Variants in ZNF831 observed in about 807,000 individuals in gnomAD.
ZNF831 encodes the protein chromosome 20 open reading frame 174.
In ZNF831, 59 loss-of-function variants were observed where a neutral mutation model predicts 95.8. The ratio of observed to expected loss-of-function variants is 0.62; its 90% CI spans 0.50 to 0.77. ZNF831 has a LOEUF of 0.77. Among genes scored for constraint, ZNF831 ranks in the 30% least tolerant of loss-of-function variants. The probability of loss-of-function intolerance (pLI) is 0.00; values close to 1 mark genes in which losing one functional copy is unlikely to be tolerated. For synonymous variants in ZNF831, 961 were observed against 925.5 expected, an observed-to-expected ratio of 1.04 and a Z score of -0.70; for missense variants, 2,205 against 2,164.0, an observed-to-expected ratio of 1.02 and a Z score of -0.38.
Position 59,194,450 on chromosome 20 carries a change from C to T in ZNF831, c.3431C>T (p.Pro1144Leu), listed in dbSNP as rs2146599682. 1 of 1,613,082 alleles carries T rather than the reference C, an allele frequency of 6.2e-7. No homozygotes were observed. Among genetic ancestry groups the T allele is most frequent in the Non-Finnish European group, 8.5e-7 (1 of 1,179,790 alleles). The change falls in exon 2 of 6, where the codon CCC (proline) becomes CTC (leucine). Residue 1144 changes from proline (P) to leucine (L), a missense_variant. Physicochemically the swap from Pro to Leu is moderately conservative, Grantham distance 98. Transcript: ENST00000371030. ...LTALTRPQGV[P>L]PGWPELALSS... is the part of the protein sequence containing the mutation. ...GCCCTCACTCGGCCTCAGGGTGTGCCCCCAGGCTGGCCAGAGCTGGCCTTG... is the reference window on the plus strand; with the variant it reads ...GCCCTCACTCGGCCTCAGGGTGTGCTCCCAGGCTGGCCAGAGCTGGCCTTG...
At chr20:59,252,849 C>G (rs1449022787) in intron 4 of ZNF831, 129 bp from the exon 5 acceptor site, 2 of 929,508 alleles carry the variant, frequency 2.2e-6, no homozygotes, top group Admixed American at 3.0e-5. Flanking sequence ...TGAGTTCTTG[C>G]ACACACCCTG....
intron 1 of ZNF831, among the ~76,000 whole-genome samples, chr20:59,129,522 C>G (rs930730487): frequency 6.6e-6 from 1 of 152,120 alleles, no homozygotes; most frequent in Non-Finnish European, 1.5e-5. Flanking sequence ...ACTCAGGAGG[C>G]TGAGGCAGGA....
intron 1 of ZNF831, among the ~76,000 whole-genome samples, chr20:59,182,040 G>A (rs1982660724): frequency 6.6e-6 from 1 of 152,122 alleles, no homozygotes; most frequent in Non-Finnish European, 1.5e-5. Flanking sequence ...TTTCTTCACT[G>A]GAAGGAATAT....
At chr20:59,202,412 T>C (rs1984602275) in intron 3 of ZNF831, among the ~76,000 whole-genome samples, 1 of 151,844 alleles carries the variant, frequency 6.6e-6, no homozygotes, top group African/African-American at 2.4e-5. Context: ...TCTGACTCTG[T>C]TTTATATATT....
intron 2 of ZNF831, among the ~76,000 whole-genome samples, chr20:59,156,044 C>T (rs149357088): frequency 1.2e-4 from 19 of 152,192 alleles, no homozygotes; most frequent in African/African-American, 3.1e-4. Flanking sequence ...AAATTCCCAG[C>T]GCTTAGAAGC....
At chr20:59,137,778 G>A (rs1469459701) in intron 1 of ZNF831, among the ~76,000 whole-genome samples, 1 of 152,114 alleles carries the variant, frequency 6.6e-6, no homozygotes, top group East Asian at 1.9e-4. Flanking sequence ...GTGTTCCCTG[G>A]GGCACAGCTG....
chr20:59,155,936 C>T (rs1980514288), intron 2 of ZNF831, among the ~76,000 whole-genome samples: 3 of 151,986 alleles, frequency 2.0e-5, no homozygotes, highest in Admixed American at 2.0e-4. Flanking sequence ...TGTGTGCTCC[C>T]CCTCATGCTC....
intron 1 of ZNF831, among the ~76,000 whole-genome samples, chr20:59,130,139 G>C (rs891573134): frequency 1.3e-5 from 2 of 152,170 alleles, no homozygotes; most frequent in Non-Finnish European, 2.9e-5. Flanking sequence ...GAGCTAGGAA[G>C]GGCCTGGCAC....
At chr20:59,205,064 G>A (rs544607091) in intron 3 of ZNF831, among the ~76,000 whole-genome samples, 140 of 152,180 alleles carry the variant, frequency 9.2e-4, no homozygotes, top group African/African-American at 2.6e-3. Flanking sequence ...GTTATTTTGC[G>A]TGAGGAGAAA....
chr20:59,126,852 T>C (rs1308243105), intron 1 of ZNF831, among the ~76,000 whole-genome samples: 2 of 152,168 alleles, frequency 1.3e-5, no homozygotes, highest in African/African-American at 4.8e-5. Flanking sequence ...CTTTGTGGCT[T>C]CTCCTCTTCT....
intron 2 of ZNF831, among the ~76,000 whole-genome samples, chr20:59,153,654 G>T (rs1353387433): frequency 6.7e-6 from 1 of 149,182 alleles, no homozygotes. Flanking sequence ...ACCCCATCAA[G>T]CTGAACTCCA....
At chr20:59,183,393 G>C (rs1568744454) in intron 1 of ZNF831, among the ~76,000 whole-genome samples, 1 of 152,214 alleles carries the variant, frequency 6.6e-6, no homozygotes, top group Admixed American at 6.5e-5. Flanking sequence ...CTGTAAGTTA[G>C]GCAGGTGCTT....
chr20:59,149,099 G>T (rs1298870548), intron 2 of ZNF831, among the ~76,000 whole-genome samples: 1 of 152,214 alleles, frequency 6.6e-6, no homozygotes, highest in African/African-American at 2.4e-5. Context: ...TAGGATGGGT[G>T]CCCATCTTGA....
upstream of ZNF831, chr20:59,160,850 A>G (rs867063687): frequency 4.0e-5 from 6 of 150,128 alleles, no homozygotes; most frequent in Admixed American, 2.7e-4. Context: ...TTGAAAGAAT[A>G]GTCAATGCAG....
chr20:59,147,821 G>C (rs901104123), intron 2 of ZNF831, among the ~76,000 whole-genome samples: 1 of 152,202 alleles, frequency 6.6e-6, no homozygotes, highest in African/African-American at 2.4e-5. Flanking sequence ...CAAAAAACCT[G>C]TTCATATTTC....
intron 4 of ZNF831, among the ~76,000 whole-genome samples, chr20:59,249,567 G>A (rs1987784807): frequency 6.6e-6 from 1 of 152,124 alleles, no homozygotes. Context: ...CCAGGATGTG[G>A]TTGTTGAACA....
At chr20:59,131,246 A>G (rs531222018) in intron 1 of ZNF831, among the ~76,000 whole-genome samples, 76 of 152,260 alleles carry the variant, frequency 5.0e-4, no homozygotes, top group Middle Eastern at 6.8e-3. Flanking sequence ...TCAGTACCCA[A>G]GTCACCATTT....
At chr20:59,168,750 A>G (rs1216321076) in intron 1 of ZNF831, among the ~76,000 whole-genome samples, 1 of 152,170 alleles carries the variant, frequency 6.6e-6, no homozygotes. Context: ...TAATCACATT[A>G]AGAGATTTCC....
intron 4 of ZNF831, among the ~76,000 whole-genome samples, chr20:59,252,111 A>G (rs1270488402): frequency 6.6e-6 from 1 of 152,214 alleles, no homozygotes. Flanking sequence ...TTCTATAACA[A>G]TGTTATCAGA....
Sources: gnomAD v4.1 joint callset for allele counts (sites outside exome capture counted in the v4.1 genomes callset) on GRCh38, gnomAD v4.1.1 for gene constraint, MANE v1.5 for transcripts, NCBI Gene and HGNC (gene_info 2026-07-23, HGNC 2026-07-21) for gene names.